Variants in HSPB2 observed in about 807,000 individuals in gnomAD.
HSPB2 encodes heat shock protein beta-2.
In HSPB2, 14 loss-of-function variants were observed where a neutral mutation model predicts 14.1. The ratio of observed to expected loss-of-function variants is 0.99; its 90% confidence interval spans 0.66 to 1.55. HSPB2 has a LOEUF of 1.55. Ranked by LOEUF, HSPB2 falls within the 40% of genes most tolerant of loss-of-function variation. The probability of loss-of-function intolerance (pLI) is 0.00; values close to 1 mark genes in which losing one functional copy is unlikely to be tolerated. For synonymous variants in HSPB2, 110 were observed against 103.4 expected, an observed-to-expected ratio of 1.06 and a Z score of -0.39; for missense variants, 242 against 241.7, an observed-to-expected ratio of 1.00 and a Z score of -0.01.
intron 1 of HSPB2, 24 bp downstream of exon 1, chr11:111,912,947 T>TCCCCCCCCCCCCCC: frequency 1.7e-6 from 2 of 1,143,318 alleles, no homozygotes; most frequent in South Asian, 2.6e-5. Flanking sequence ...ACCACCCCCT[T>TCCCCCCCCCCCCCC]GCCCCCCACC....
Position 111,913,926 on chromosome 11 carries a change from T to A in HSPB2, c.*31T>A. The A allele has an allele frequency of 6.4e-7, 1 of 1,558,528 alleles. No homozygotes were observed. The highest frequency in any genetic ancestry group is 2.2e-5 in the East Asian group (1 of 44,528). ...ACAGACCCAGCACCCAGCAAATCCC[T>A]CTCTACCTCCCAAGGTGATATGGGC... On this transcript the variant is annotated 3_prime_UTR_variant, in exon 2 of 2. Coordinates refer to ENST00000304298, the MANE Select transcript of HSPB2 (RefSeq NM_001541.4).
In HSPB2 at chr11:111,913,482, G is replaced by T. The variant is rs377506407; in HGVS notation, c.136G>T (p.Gly46Cys). 1.3e-5 allele frequency: 21 copies of T among 1,612,800 alleles called. No individual in the cohort carries two copies. Among genetic ancestry groups the T allele is most frequent in the Non-Finnish European group, 1.8e-5 (21 of 1,180,014 alleles). The change falls in exon 2 of 2, where the codon GGC (glycine) becomes TGC (cysteine). Residue 46 changes from glycine (G) to cysteine (C), a missense_variant. Coordinates refer to ENST00000304298, the MANE Select transcript of HSPB2 (RefSeq NM_001541.4). ...EEILTPTLYH[G>C]YYVRPRAAPA... is the part of the protein sequence containing the mutation. Reference sequence around the variant, plus strand: ...GATCCTGACCCCCACACTCTACCATGGCTACTATGTCCGGCCTCGGGCCGC... The same window carrying T: ...GATCCTGACCCCCACACTCTACCATTGCTACTATGTCCGGCCTCGGGCCGC...
Position 111,913,574 on chromosome 11 carries a change from A to T in HSPB2, c.228A>T (p.Ala76=). 1 of 1,614,126 alleles carries T rather than the reference A, an allele frequency of 6.2e-7. No homozygotes were observed. The highest frequency in any genetic ancestry group is 8.5e-7 in the Non-Finnish European group (1 of 1,180,012). The part of the protein sequence containing the change: ...ELRLSEGKFQ[A]FLDVSHFTPD... ...GGCTCAGTGAGGGCAAGTTCCAGGCATTTCTGGATGTGAGCCACTTTACCC... is the reference window on the plus strand; with the variant it reads ...GGCTCAGTGAGGGCAAGTTCCAGGCTTTTCTGGATGTGAGCCACTTTACCC... The change falls in exon 2 of 2, where the codon GCA becomes GCT. Residue 76 remains alanine, a synonymous_variant. Coordinates refer to ENST00000304298, the MANE Select transcript of HSPB2 (RefSeq NM_001541.4).
rs1289696135 is a variant in HSPB2, at chr11:111,913,671, C to T, written c.325C>T (p.Arg109Cys). ...TGCCCGGCACCCCCAGCGCCTGGACCGCCACGGCTTCGTGTCCCGAGAGTT... is the reference window on the plus strand; with the variant it reads ...TGCCCGGCACCCCCAGCGCCTGGACTGCCACGGCTTCGTGTCCCGAGAGTT... The part of the protein sequence containing the change: ...VSARHPQRLD[R>C]HGFVSREFCR... The change falls in exon 2 of 2, where the codon CGC (arginine) becomes TGC (cysteine). Residue 109 changes from arginine (R) to cysteine (C), a missense_variant. Coordinates refer to ENST00000304298, the MANE Select transcript of HSPB2 (RefSeq NM_001541.4). 2 of 1,614,032 alleles carry T rather than the reference C, an allele frequency of 1.2e-6. No homozygotes were observed. Among genetic ancestry groups the T allele is most frequent in the East Asian group, 2.2e-5 (1 of 44,894 alleles).
chr11:111,913,790 G>A lies in HSPB2; in HGVS notation c.444G>A (p.Arg148=), dbSNP rs1345627905. ...HDGILNLEAP[R]GGRHLDTEVN... ...GCATCTTAAACCTGGAAGCACCTCG[G>A]GGTGGCCGACATTTGGACACAGAGG... Residue 148 remains arginine, a synonymous_variant, in exon 2 of 2, where the codon CGG becomes CGA. Transcript: ENST00000304298. 2 of 1,614,060 alleles carry A rather than the reference G, an allele frequency of 1.2e-6. No individual in the cohort carries two copies. The highest frequency in any genetic ancestry group is 1.7e-5 in the Admixed American group (1 of 60,010).
In HSPB2 at chr11:111,913,593, T is replaced by C. The variant is rs1965542395; in HGVS notation, c.247T>C (p.Phe83Leu). ...CCAGGCATTTCTGGATGTGAGCCACTTTACCCCAGACGAGGTGACTGTGAG... is the reference window on the plus strand; with the variant it reads ...CCAGGCATTTCTGGATGTGAGCCACCTTACCCCAGACGAGGTGACTGTGAG... ...KFQAFLDVSHFTPDEVTVRTV... is the reference protein window; with the variant it reads ...KFQAFLDVSHLTPDEVTVRTV... The change falls in exon 2 of 2, where the codon TTT becomes CTT. Residue 83 changes from phenylalanine (F) to leucine (L), a missense_variant. Phe to Leu is a conservative substitution (Grantham distance 22, BLOSUM62 0). Coordinates refer to ENST00000304298, the MANE Select transcript of HSPB2 (RefSeq NM_001541.4). The C allele has an allele frequency of 3.7e-6, 6 of 1,614,042 alleles. No individual in the cohort carries two copies. Among genetic ancestry groups the C allele is most frequent in the Admixed American group, 1.7e-5 (1 of 60,004 alleles).
rs1555165909 is a variant in HSPB2, at chr11:111,913,770, T to C, written c.424T>C (p.Leu142=). The C allele has an allele frequency of 6.2e-7, 1 of 1,614,180 alleles. No individual in the cohort carries two copies. The highest frequency in any genetic ancestry group is 2.2e-5 in the East Asian group (1 of 44,874). The stretch of plus-strand genomic sequence containing the variant: ...AGCTGCTCTCTCCCATGATGGCATC[T>C]TAAACCTGGAAGCACCTCGGGGTGG... The part of the protein sequence containing the change: ...VRAALSHDGI[L]NLEAPRGGRH... The change falls in exon 2 of 2, where the codon TTA becomes CTA. Residue 142 remains leucine, a synonymous_variant. Coordinates refer to ENST00000304298, the MANE Select transcript of HSPB2 (RefSeq NM_001541.4).
At chr11:111,913,257 G>A (rs1364196653) in intron 1 of HSPB2, 184 bp from the exon 2 acceptor site, 5 of 610,830 alleles carry the variant, frequency 8.2e-6, no homozygotes, top group South Asian at 2.0e-5. Flanking sequence ...TTTCCTTTCC[G>A]TTCTCTTTCC....
At chr11:111,913,027 TCTC>T (rs1295693216) in intron 1 of HSPB2, 104 bp downstream of exon 1, 4 of 805,686 alleles carry the variant, frequency 5.0e-6, no homozygotes, top group African/African-American at 1.9e-5. Flanking sequence ...GCTTAACTGA[TCTC>T]CTGGGACCAG....
At chr11:111,912,947 T>TCCCCCCCCCCCC in intron 1 of HSPB2, 24 bp downstream of exon 1, 5 of 1,143,312 alleles carry the variant, frequency 4.4e-6, no homozygotes, top group South Asian at 1.3e-5. Flanking sequence ...ACCACCCCCT[T>TCCCCCCCCCCCC]GCCCCCCACC....
rs545557968 is a variant in HSPB2 at position 111,913,416 on chromosome 11, C to T, written c.95-25C>T. 40 of 1,563,728 alleles carry T rather than the reference C, an allele frequency of 2.6e-5. No individual in the cohort carries two copies. In the South Asian group the frequency reaches 4.1e-4, roughly 16 times the overall value. On this transcript the variant is annotated intron_variant, in intron 1 of 1. Coordinates refer to ENST00000304298, the MANE Select transcript of HSPB2 (RefSeq NM_001541.4). The stretch of plus-strand genomic sequence containing the variant: ...CCAGCCTCATCCTCCCTCATCCTGC[C>T]TCTTGCCTTCTCTCTGCCCTTTAGG...
chr11:111,913,491 G>A lies in HSPB2; in HGVS notation c.145G>A (p.Val49Ile). The change falls in exon 2 of 2, where the codon GTC becomes ATC. Residue 49 changes from valine to isoleucine, a missense_variant. Coordinates refer to ENST00000304298, the MANE Select transcript of HSPB2 (RefSeq NM_001541.4). ...LTPTLYHGYY[V>I]RPRAAPAGEG... is the part of the protein sequence containing the mutation. ...CCCCACACTCTACCATGGCTACTAT[G>A]TCCGGCCTCGGGCCGCCCCAGCTGG... 6.2e-7 allele frequency: 1 copy of A among 1,613,270 alleles called. No individual in the cohort carries two copies. Among genetic ancestry groups the A allele is most frequent in the South Asian group, 1.1e-5 (1 of 91,082 alleles).
In HSPB2 at chr11:111,913,686, TC is replaced by T; in HGVS notation, c.343del (p.Arg115GlufsTer28). ...GCGCCTGGACCGCCACGGCTTCGTG[TC>T]CCGAGAGTTCTGCCGCACCTATGTC... The part of the protein sequence containing the change: ...PQRLDRHGFV[S>X]REFCRTYVLP... On this transcript the variant is annotated frameshift_variant, in exon 2 of 2. Coordinates refer to ENST00000304298, the MANE Select transcript of HSPB2 (RefSeq NM_001541.4). LOFTEE classifies it high-confidence loss of function. The T allele has an allele frequency of 6.2e-7, 1 of 1,614,142 alleles. No homozygotes were observed. Among genetic ancestry groups the T allele is most frequent in the Non-Finnish European group, 8.5e-7 (1 of 1,180,030 alleles).
chr11:111,913,378 T>C (rs978319137), intron 1 of HSPB2, 63 bp from the exon 2 acceptor site: 119 of 1,306,552 alleles, frequency 9.1e-5, no homozygotes, highest in Non-Finnish European at 1.2e-4. Flanking sequence ...AGATTTCCCA[T>C]TTCGCCCCTG....
At position 111,912,917 on chromosome 11, in the gene HSPB2, G is replaced by T; in HGVS notation, c.88G>T (p.Gly30Ter). 1 of 1,603,416 alleles carries T rather than the reference G, an allele frequency of 6.2e-7. No homozygotes were observed. The highest frequency in any genetic ancestry group is 8.5e-7 in the Non-Finnish European group (1 of 1,176,402). The change falls in exon 1 of 2, where the codon GGA (glycine) becomes TGA (stop). Residue 30 changes from glycine to a stop codon, truncating the protein, a stop_gained. Coordinates refer to ENST00000304298, the MANE Select transcript of HSPB2 (RefSeq NM_001541.4). LOFTEE classifies it high-confidence loss of function. ...GAGCCGCCTGGGTGAGCAGCGCTTC[G>T]GAGAAGGTATGGCACAGACACCACC... ...NPSRLGEQRFGEGLLPEEILT... is the reference protein window; with the variant it reads ...NPSRLGEQRF
chr11:111,912,991 C>A, intron 1 of HSPB2, 68 bp downstream of exon 1: 1 of 1,232,522 alleles, frequency 8.1e-7, no homozygotes, highest in Admixed American at 2.0e-5. Context: ...GACCTCCCAA[C>A]GTTGCTGGCC....
rs781787278 is a variant in HSPB2 at position 111,913,851 on chromosome 11, C to T, written c.505C>T (p.Pro169Ser). ...CTACATCTCCCTGCTCCCTGCGCCT[C>T]CTGATCCAGAGGAAGAGGAGGAGGC... ...EVYISLLPAP[P>S]DPEEEEEAAI... The change falls in exon 2 of 2, where the codon CCT (proline) becomes TCT (serine). Residue 169 changes from proline (P) to serine (S), a missense_variant. Transcript: ENST00000304298. 2 of 1,613,568 alleles carry T rather than the reference C, an allele frequency of 1.2e-6. No homozygotes were observed. The highest frequency in any genetic ancestry group is 1.7e-6 in the Non-Finnish European group (2 of 1,179,758).
At chr11:111,913,315 C>G (rs1221992069) in intron 1 of HSPB2, 126 bp from the exon 2 acceptor site, 1 of 738,708 alleles carries the variant, frequency 1.4e-6, no homozygotes, top group African/African-American at 1.8e-5. Flanking sequence ...GGCCTCCCTC[C>G]CGTTCCCTAC....
intron 1 of HSPB2, chr11:111,913,218 C>T: frequency 1.7e-6 from 1 of 605,776 alleles, no homozygotes; most frequent in South Asian, 2.0e-5. Flanking sequence ...CCTCCTCCCC[C>T]TCCTCCTCCT....
Sources: gnomAD v4.1 joint callset for allele counts on GRCh38, gnomAD v4.1.1 for gene constraint, MANE v1.5 for transcripts, NCBI Gene and HGNC (gene_info 2026-07-23, HGNC 2026-07-21) for gene names.